DLD: variants seen among roughly 807,000 people sequenced by gnomAD.
The protein encoded by DLD is dihydrolipoamide dehydrogenase, also known as dihydrolipoyl dehydrogenase, mitochondrial.
In DLD, 36 loss-of-function variants were observed where a neutral mutation model predicts 62.2. The ratio of observed to expected loss-of-function variants is 0.58; its 90% CI spans 0.44 to 0.76. The LOEUF is 0.76. Ranked by LOEUF, DLD falls within the 30% of genes least tolerant of loss-of-function variation. The pLI is 0.00. For synonymous variants in DLD, 204 were observed against 199.6 expected (o/e 1.02, Z -0.19); for missense variants, 541 against 608.6 (o/e 0.89, Z 1.17).
At chr7:107,912,780 T>C (rs113017415) in intron 8 of DLD, among the ~76,000 whole-genome samples, 4,290 of 152,290 alleles carry the variant, frequency 0.028, 101 homozygotes, top group Middle Eastern at 0.054. Flanking sequence ...TTTCCTTGGC[T>C]GTGCAAAAGT....
At chr7:107,897,399 T>A (rs1328464378) in intron 2 of DLD, among the ~76,000 whole-genome samples, 1 of 152,092 alleles carries the variant, frequency 6.6e-6, no homozygotes, top group Non-Finnish European at 1.5e-5. Flanking sequence ...TACTTACTAG[T>A]TGTGTAGCCT....
chr7:107,905,299 T>A, intron 6 of DLD, 62 bp from the exon 7 acceptor site: 1 of 1,510,530 alleles, frequency 6.6e-7, no homozygotes, highest in South Asian at 1.1e-5. Context: ...ATTTTTCCTT[T>A]GAATGATTTA....
intron 11 of DLD, 98 bp from the exon 12 acceptor site, chr7:107,917,826 T>A (rs2032307969): frequency 6.6e-7 from 1 of 1,512,608 alleles, no homozygotes; most frequent in South Asian, 1.1e-5. Context: ...ACAATTCCCT[T>A]CTTGGGATTT....
At chr7:107,893,322 AGT>A in intron 2 of DLD, 44 bp downstream of exon 2, 4 of 1,419,502 alleles carry the variant, frequency 2.8e-6, no homozygotes, top group Non-Finnish European at 4.0e-6. Context: ...ATTAGCTGAC[AGT>A]TCCTTTCTAT....
intron 8 of DLD, among the ~76,000 whole-genome samples, chr7:107,910,882 C>T (rs566037751): frequency 3.8e-4 from 58 of 152,162 alleles, no homozygotes; most frequent in Admixed American, 5.9e-4. Context: ...GAATTAGACT[C>T]CAAGATGATG....
Position 107,920,297 on chromosome 7 carries a change from A to C in DLD, c.*1038A>C, listed in dbSNP as rs2032379394. 6.6e-6 allele frequency: 1 copy of C among 152,380 alleles called. No individual in the cohort carries two copies. The highest frequency in any genetic ancestry group is 2.1e-4 in the South Asian group (1 of 4,836). 9.4% of individuals were successfully genotyped at this position (152,380 alleles called of 1,614,324 possible). ...TGTCCTGAGGAAACTTAAGTAACAA[A>C]GTACTAAATGCTAAGTAGGCTTTTG... On this transcript the variant is annotated 3_prime_UTR_variant, in exon 14 of 14. Coordinates refer to ENST00000205402, the MANE Select transcript of DLD (RefSeq NM_000108.5).
Position 107,891,257 on chromosome 7 carries a change from A to C in DLD, c.7A>C (p.Ser3Arg). Reference sequence around the variant, plus strand: ...AGGAAAATACAGCGGAAAAATGCAGAGCTGGAGTCGTGTGTACTGCTCCTT... The same window carrying C: ...AGGAAAATACAGCGGAAAAATGCAGCGCTGGAGTCGTGTGTACTGCTCCTT... The part of the protein sequence containing the change: MQ[S>R]WSRVYCSLAK... Residue 3 changes from serine to arginine, a missense_variant, in exon 1 of 14, where the codon AGC becomes CGC. Ser to Arg is a moderately radical substitution (Grantham distance 110). Coordinates refer to ENST00000205402, the MANE Select transcript of DLD (RefSeq NM_000108.5). The C allele has an allele frequency of 6.2e-7, 1 of 1,614,146 alleles. No homozygotes were observed. The highest frequency in any genetic ancestry group is 8.5e-7 in the Non-Finnish European group (1 of 1,179,966).
chr7:107,891,178 G>A (rs1447412572), upstream of DLD: 7 of 1,582,418 alleles, frequency 4.4e-6, no homozygotes, highest in African/African-American at 4.0e-5. Flanking sequence ...GCAGGGAGGG[G>A]AGACCTTGGC....
At chr7:107,917,888 G>A (rs770831196) in intron 11 of DLD, 36 bp from the exon 12 acceptor site, 2 of 1,613,524 alleles carry the variant, frequency 1.2e-6, no homozygotes, top group South Asian at 2.2e-5. Context: ...AACTTTTCTG[G>A]CAGTTACGTA....
intron 8 of DLD, among the ~76,000 whole-genome samples, chr7:107,913,316 A>G (rs1443986183): frequency 6.6e-6 from 1 of 152,086 alleles, no homozygotes; most frequent in African/African-American, 2.4e-5. Flanking sequence ...TTGAATCTGT[A>G]AATTACCTTG....
At chr7:107,901,650 A>G (rs1340792449) in intron 2 of DLD, 88 bp from the exon 3 acceptor site, 1 of 1,042,616 alleles carries the variant, frequency 9.6e-7, no homozygotes, top group African/African-American at 1.6e-5. Context: ...AGGTTTAAGT[A>G]TCGGGTTATT....
chr7:107,914,470 T>G (rs1396402656), intron 8 of DLD, among the ~76,000 whole-genome samples: 1 of 152,190 alleles, frequency 6.6e-6, no homozygotes, highest in African/African-American at 2.4e-5. Flanking sequence ...CTAGGATTTC[T>G]TCTCCTAGGT....
intron 2 of DLD, among the ~76,000 whole-genome samples, chr7:107,900,621 A>G (rs1377325076): frequency 6.6e-6 from 1 of 152,022 alleles, no homozygotes; most frequent in African/African-American, 2.4e-5. Flanking sequence ...AGTATTGAAT[A>G]ATGGAAAGAC....
chr7:107,910,329 A>G (rs369576783), intron 8 of DLD, among the ~76,000 whole-genome samples: 2 of 152,176 alleles, frequency 1.3e-5, no homozygotes, highest in Non-Finnish European at 2.9e-5. Flanking sequence ...CAATAATTCT[A>G]TTTCTTCATC....
intron 1 of DLD, 146 bp downstream of exon 1, chr7:107,891,435 AG>A: frequency 1.1e-6 from 1 of 891,120 alleles, no homozygotes; most frequent in South Asian, 1.4e-5. Context: ...GCACTGGCTC[AG>A]CCCGGCCCTG....
chr7:107,894,535 C>A (rs921328059), intron 2 of DLD, among the ~76,000 whole-genome samples: 1 of 152,184 alleles, frequency 6.6e-6, no homozygotes, highest in Non-Finnish European at 1.5e-5. Context: ...AAAAGTTGGA[C>A]CTCTTATACA....
chr7:107,891,873 G>C (rs1399522501), intron 1 of DLD, among the ~76,000 whole-genome samples: 1 of 152,166 alleles, frequency 6.6e-6, no homozygotes, highest in African/African-American at 2.4e-5. Flanking sequence ...AATTGCAGCA[G>C]GTTATCAGAA....
rs2032389810 is a variant in DLD, at chr7:107,920,703, T to G, written c.*1444T>G. 1 of 152,264 alleles carries G rather than the reference T, an allele frequency of 6.6e-6. No homozygotes were observed. The highest frequency in any genetic ancestry group is 2.4e-5 in the African/African-American group (1 of 41,456). 9.4% of individuals were successfully genotyped at this position (152,264 alleles called of 1,614,324 possible). A position where few individuals can be genotyped will look rare whatever the true frequency, so the allele number is the denominator to read the frequency against. On this transcript the variant is annotated 3_prime_UTR_variant, in exon 14 of 14. Transcript: ENST00000205402. ...TTCCAGCTGTTGTGGTTGCCCCATA[T>G]TCTGCCTTCTGATCCTTAACCAATA...
intron 8 of DLD, among the ~76,000 whole-genome samples, chr7:107,910,364 T>C (rs937183739): frequency 1.3e-5 from 2 of 152,226 alleles, no homozygotes; most frequent in Admixed American, 6.5e-5. Flanking sequence ...TTAGGTTTTT[T>C]ATAAGCCTTG....
Sources: gnomAD v4.1 joint callset for allele counts (sites outside exome capture counted in the v4.1 genomes callset) on GRCh38, gnomAD v4.1.1 for gene constraint, MANE v1.5 for transcripts, NCBI Gene and HGNC (gene_info 2026-07-23, HGNC 2026-07-21) for gene names.